NAA35: variants seen among roughly 807,000 people sequenced by gnomAD.
NAA35 encodes N-alpha-acetyltransferase 35, NatC auxiliary subunit.
NAA35 carries 18 observed loss-of-function variants against 101.7 expected under a neutral mutation model. The ratio of observed to expected loss-of-function variants is 0.18; its 90% confidence interval spans 0.12 to 0.26. The LOEUF (loss-of-function observed/expected upper bound fraction) is 0.26. Ranked by LOEUF, NAA35 falls within the 10% of genes least tolerant of loss-of-function variation. The pLI, the probability that NAA35 is intolerant of heterozygous loss-of-function variation, is 1.00. For missense variants in NAA35, 601 were observed against 886.8 expected (o/e 0.68, Z 4.09); for synonymous variants, 267 against 273.1 (o/e 0.98, Z 0.22).
intron 2 of NAA35, among the ~76,000 whole-genome samples, chr9:85,947,381 A>G (rs2118261293): frequency 6.6e-6 from 1 of 152,260 alleles, no homozygotes; most frequent in East Asian, 1.9e-4. Flanking sequence ...TGTTCTAGGA[A>G]TTTACTGTTT....
At chr9:85,973,932 C>T (rs1830106051) in intron 6 of NAA35, among the ~76,000 whole-genome samples, 1 of 151,334 alleles carries the variant, frequency 6.6e-6, no homozygotes, top group African/African-American at 2.4e-5. Flanking sequence ...CCTTTTGAAA[C>T]TATTGTTCTG....
At chr9:85,946,681 G>T (rs567413040) in intron 2 of NAA35, among the ~76,000 whole-genome samples, 78 of 133,518 alleles carry the variant, frequency 5.8e-4, no homozygotes, top group African/African-American at 2.6e-3. Context: ...TTTTTTTTTT[G>T]CGATTTTTTT....
At chr9:85,950,579 G>A (rs111741152) in intron 2 of NAA35, among the ~76,000 whole-genome samples, 92 of 152,230 alleles carry the variant, frequency 6.0e-4, no homozygotes, top group African/African-American at 2.2e-3. Flanking sequence ...GAGTCATCTA[G>A]TCTAACCTTT....
chr9:86,016,730 T>C, intron 18 of NAA35, 55 bp downstream of exon 18: 1 of 1,552,954 alleles, frequency 6.4e-7, no homozygotes. Flanking sequence ...TTTCTACAGA[T>C]AAATAGATGG....
At chr9:86,018,539 T>C in intron 20 of NAA35, 144 bp downstream of exon 20, 4 of 1,318,446 alleles carry the variant, frequency 3.0e-6, no homozygotes, top group South Asian at 1.5e-5. Flanking sequence ...GGTTGAGAAT[T>C]ATATATTACC....
At chr9:85,969,654 A>G (rs1462605906) in intron 6 of NAA35, among the ~76,000 whole-genome samples, 1 of 152,036 alleles carries the variant, frequency 6.6e-6, no homozygotes, top group South Asian at 2.1e-4. Context: ...CCTTTTTAAA[A>G]GGGGTACCCA....
intron 11 of NAA35, among the ~76,000 whole-genome samples, chr9:85,987,480 G>T (rs10512170): frequency 6.6e-6 from 1 of 152,176 alleles, no homozygotes; most frequent in South Asian, 2.1e-4. Context: ...ATCACAAGCC[G>T]TTAGAGAGTA....
At chr9:86,016,464 T>C in intron 17 of NAA35, 75 bp from the exon 18 acceptor site, 1 of 1,138,454 alleles carries the variant, frequency 8.8e-7, no homozygotes, top group Non-Finnish European at 1.2e-6. Flanking sequence ...TTGAAATATC[T>C]ATCGTTAATA....
At chr9:86,018,897 A>G (rs1288218938) in intron 21 of NAA35, 76 bp downstream of exon 21, 5 of 1,544,322 alleles carry the variant, frequency 3.2e-6, no homozygotes, top group Non-Finnish European at 4.4e-6. Context: ...ATGAAAGTTA[A>G]TTATGAAAGT....
intron 15 of NAA35, among the ~76,000 whole-genome samples, chr9:86,012,778 GC>G (rs1389852039): frequency 4.6e-5 from 7 of 152,172 alleles, no homozygotes; most frequent in Admixed American, 4.6e-4. Flanking sequence ...TTGTGAAATT[GC>G]AAGAAGATAT....
intron 6 of NAA35, among the ~76,000 whole-genome samples, chr9:85,964,110 T>C (rs1000750393): frequency 6.6e-6 from 1 of 151,500 alleles, no homozygotes. Context: ...GAGCAGTCAT[T>C]ATTTCCCACT....
At chr9:85,985,168 A>T (rs1307456765) in intron 11 of NAA35, among the ~76,000 whole-genome samples, 1 of 152,218 alleles carries the variant, frequency 6.6e-6, no homozygotes, top group Non-Finnish European at 1.5e-5. Context: ...AAGGATGTGG[A>T]GAAACTGGAG....
chr9:85,966,589 A>C, intron 6 of NAA35: 1 of 1,226,168 alleles, frequency 8.2e-7, no homozygotes. Flanking sequence ...CCACCTCTTG[A>C]TCTCAGATTT....
rs756265726 is a variant in NAA35, at chr9:85,978,338, A to G, written c.834A>G (p.Ser278=). ...AADLLSAIHN[S]LHHGIQAQND... is the part of the protein sequence containing the mutation. ...ATCTTCTTTCTGCCATTCATAATTC[A>G]TTGCATCATGGCATCCAGGCCCAGA... Residue 278 remains serine, a synonymous_variant, in exon 11 of 23, where the codon TCA becomes TCG. Coordinates refer to ENST00000361671, the MANE Select transcript of NAA35 (RefSeq NM_024635.4). 11 of 1,613,476 alleles carry G rather than the reference A, an allele frequency of 6.8e-6. No individual in the cohort carries two copies. The highest frequency in any genetic ancestry group is 8.5e-6 in the Non-Finnish European group (10 of 1,179,496).
Position 86,024,553 on chromosome 9 carries a change from GGTA to G in NAA35, c.*2596_*2598del, listed in dbSNP as rs1331563373. ...GAGAGAAAATGTTGGTCTTAACAAA[GGTA>G]GTGGCAGAGCAGGTGGAAGAAAGTG... On this transcript the variant is annotated 3_prime_UTR_variant, in exon 23 of 23. Coordinates refer to ENST00000361671, the MANE Select transcript of NAA35 (RefSeq NM_024635.4). Among the ~76,000 whole-genome samples the G allele has an allele frequency of 2.6e-5, 4 of 152,172 alleles. No individual in the cohort carries two copies. The highest frequency in any genetic ancestry group is 2.0e-4 in the Admixed American group (3 of 15,272).
At chr9:86,007,212 T>G (rs1298166443) in intron 13 of NAA35, 146 bp from the exon 14 acceptor site, 3 of 483,504 alleles carry the variant, frequency 6.2e-6, no homozygotes, top group Non-Finnish European at 1.1e-5. Flanking sequence ...ACACTCATTG[T>G]GGAGACAGCA....
At chr9:86,018,454 T>C (rs1832342520) in intron 20 of NAA35, 59 bp downstream of exon 20, 1 of 1,550,356 alleles carries the variant, frequency 6.5e-7, no homozygotes, top group Non-Finnish European at 8.8e-7. Context: ...CTTAGAGAGA[T>C]GCTGTTTGTA....
At chr9:85,956,305 G>C in intron 2 of NAA35, 55 bp from the exon 3 acceptor site, 1 of 1,075,400 alleles carries the variant, frequency 9.3e-7, no homozygotes, top group South Asian at 1.5e-5. Context: ...TTTTTTCTTA[G>C]AATTAAAAGT....
In NAA35 at chr9:85,962,510, G is replaced by A. The variant is rs374282174; in HGVS notation, c.516+330G>A. On this transcript the variant is annotated intron_variant, in intron 6 of 22. Coordinates refer to ENST00000361671, the MANE Select transcript of NAA35 (RefSeq NM_024635.4). ...TGTCTCAAAAAAAAAAAAAAAAAAA[G>A]AAAGAAAAAAGAATTTCTGAAGTTC... Among the ~76,000 whole-genome samples, 743 of 82,456 alleles carry A rather than the reference G, an allele frequency of 9.0e-3. 8 individuals are homozygous for A. The highest frequency in any genetic ancestry group is 0.04 in the Admixed American group (376 of 9,286). 54.1% of individuals were successfully genotyped at this position (82,456 alleles called of 152,430 possible).
Sources: allele counts gnomAD v4.1 joint callset (sites outside exome capture counted in the v4.1 genomes callset), GRCh38; gene constraint gnomAD v4.1.1; transcripts MANE v1.5; gene names NCBI Gene and HGNC (gene_info 2026-07-23, HGNC 2026-07-21).